The following MTERF2 variants were observed in gnomAD, a reference collection of about 807,000 sequenced individuals.
MTERF2 encodes the protein transcription termination factor 2, mitochondrial.
Under a neutral mutation model 29.2 loss-of-function variants are expected in MTERF2, and 23 were observed. The ratio of observed to expected loss-of-function variants is 0.79; its 90% CI spans 0.57 to 1.12. The LOEUF (loss-of-function observed/expected upper bound fraction) is 1.12, where lower values mean the gene tolerates loss of function less well. Among genes scored for constraint, MTERF2 ranks in the 50% most tolerant of loss-of-function variants. The probability of loss-of-function intolerance (pLI) is 0.00; values close to 1 mark genes in which losing one functional copy is unlikely to be tolerated. For missense variants in MTERF2, 440 were observed against 429.4 expected, an observed-to-expected ratio of 1.02 and a Z score of -0.22; for synonymous variants, 157 against 159.5, an observed-to-expected ratio of 0.98 and a Z score of 0.12.
At chr12:106,982,569 A>G (rs2136798424) in intron 2 of MTERF2, among the ~76,000 whole-genome samples, 1 of 152,340 alleles carries the variant, frequency 6.6e-6, no homozygotes, top group South Asian at 2.1e-4. Flanking sequence ...ATTCACAGTA[A>G]GTATCTAACT....
rs1952009363 is a variant in MTERF2 at position 106,978,112 on chromosome 12, A to T, written c.603T>A (p.Ser201=). The T allele has an allele frequency of 1.2e-6, 2 of 1,614,152 alleles. No individual in the cohort carries two copies. Among genetic ancestry groups the T allele is most frequent in the Non-Finnish European group, 1.7e-6 (2 of 1,180,018 alleles). The change falls in exon 3 of 3, where the codon TCT becomes TCA. Residue 201 remains serine, a synonymous_variant. Coordinates refer to ENST00000240050, the MANE Select transcript of MTERF2 (RefSeq NM_001033050.3). ...GTAGCCAAACTTTCATGTTGGCCTC[A>T]GAGCCACCTACATCTAGATAACTCT... is the stretch of plus-strand genomic sequence containing the variant. The part of the protein sequence containing the change: ...LQESYLDVGG[S]EANMKVWLLK...
chr12:106,977,407 C>T lies in MTERF2; in HGVS notation c.*150G>A. ...ATATTTTATAATATGGCACATGAGT[C>T]AGAATTTATCTATTTAGAGATAACT... is the stretch of plus-strand genomic sequence containing the variant. On this transcript the variant is annotated 3_prime_UTR_variant, in exon 3 of 3. Coordinates refer to ENST00000240050, the MANE Select transcript of MTERF2 (RefSeq NM_001033050.3). The T allele has an allele frequency of 1.8e-6, 1 of 569,580 alleles. No individual in the cohort carries two copies. The highest frequency in any genetic ancestry group is 3.0e-6 in the Non-Finnish European group (1 of 336,704). The allele number at this position is 569,580 out of a possible 1,614,324, so 35.3% of individuals were successfully genotyped here. A position where few individuals can be genotyped will look rare whatever the true frequency, so the allele number is the denominator to read the frequency against.
intron 2 of MTERF2, among the ~76,000 whole-genome samples, chr12:106,983,049 T>C (rs1053645947): frequency 4.6e-5 from 7 of 152,264 alleles, no homozygotes; most frequent in African/African-American, 1.7e-4. Context: ...TTGACTTGTA[T>C]AAACTCTATG....
Position 106,977,841 on chromosome 12 carries a change from A to G in MTERF2, c.874T>C (p.Leu292=). ...KQLVLKCPAL[L]YYSVPVLEER... ...TCTAAAACTGGAACAGAATAATATA[A>G]AAGGGCAGGACATTTCAAAACTAAT... is the stretch of plus-strand genomic sequence containing the variant. Residue 292 remains leucine, a synonymous_variant, in exon 3 of 3, where the codon TTA becomes CTA. Coordinates refer to ENST00000240050, the MANE Select transcript of MTERF2 (RefSeq NM_001033050.3). The G allele has an allele frequency of 1.2e-6, 2 of 1,613,936 alleles. No individual in the cohort carries two copies. Among genetic ancestry groups the G allele is most frequent in the Non-Finnish European group, 8.5e-7 (1 of 1,179,998 alleles).
rs1952019091 is a variant in MTERF2, at chr12:106,978,597, G to GT, written c.117dup (p.Gln40ThrfsTer15). The GT allele has an allele frequency of 1.2e-6, 2 of 1,614,136 alleles. No homozygotes were observed. The highest frequency in any genetic ancestry group is 1.7e-6 in the Non-Finnish European group (2 of 1,180,020). On this transcript the variant is annotated frameshift_variant, in exon 3 of 3. Coordinates refer to ENST00000240050, the MANE Select transcript of MTERF2 (RefSeq NM_001033050.3). LOFTEE classifies it high-confidence loss of function. ...GTTCTTGTATTTTCTTTGCTCGACT[G>GT]TTTATCAGTTGTATAGGTGAAGCAT... is the stretch of plus-strand genomic sequence containing the variant.
At chr12:106,979,186 C>T (rs148668955) in intron 2 of MTERF2, among the ~76,000 whole-genome samples, 360 of 152,252 alleles carry the variant, frequency 2.4e-3, no homozygotes, top group Middle Eastern at 0.01. Flanking sequence ...CATACAAATT[C>T]CCTTTTCCAC....
Position 106,978,060 on chromosome 12 carries a change from T to C in MTERF2, c.655A>G (p.Ile219Val). 4 of 1,613,984 alleles carry C rather than the reference T, an allele frequency of 2.5e-6. No individual in the cohort carries two copies. Among genetic ancestry groups the C allele is most frequent in the Non-Finnish European group, 2.5e-6 (3 of 1,179,980 alleles). The part of the protein sequence containing the change: ...LLKLLSQNPF[I>V]LLNSPTAIKE... ...ATAGCTGTGGGAGAATTTAACAAAA[T>C]AAATGGGTTTTGGCTTAACAATTTT... is the stretch of plus-strand genomic sequence containing the variant. Residue 219 changes from isoleucine (I) to valine (V), a missense_variant, in exon 3 of 3, where the codon ATT (isoleucine) becomes GTT (valine). Transcript: ENST00000240050.
Position 106,978,629 on chromosome 12 carries a change from A to C in MTERF2, c.86T>G (p.Phe29Cys). The change falls in exon 3 of 3, where the codon TTC becomes TGC. Residue 29 changes from phenylalanine to cysteine, a missense_variant. Physicochemically the swap from Phe to Cys is radical, Grantham distance 205. Coordinates refer to ENST00000240050, the MANE Select transcript of MTERF2 (RefSeq NM_001033050.3). Reference protein sequence around the residue: ...KMRSPPKYRPFLACFTYTTDK... With the variant: ...KMRSPPKYRPCLACFTYTTDK... The stretch of plus-strand genomic sequence containing the variant: ...AGTTGTATAGGTGAAGCATGCTAAG[A>C]AAGGTCTGTATTTTGGAGGTGATCG... 1 of 1,614,196 alleles carries C rather than the reference A, an allele frequency of 6.2e-7. No individual in the cohort carries two copies.
rs1259112337 is a variant in MTERF2, at chr12:106,978,199, A to G, written c.516T>C (p.Ala172=). The G allele has an allele frequency of 1.9e-6, 3 of 1,613,682 alleles. No homozygotes were observed. The African/African-American group carries it at 4.0e-5, about 22-fold the overall frequency. Residue 172 remains alanine (A), a synonymous_variant, in exon 3 of 3, where the codon GCT becomes GCC. Coordinates refer to ENST00000240050, the MANE Select transcript of MTERF2 (RefSeq NM_001033050.3). ...CAGGATTATGAAAAACATTAGGTGCAGCTGTCAAAAGTCTGCTAATGACCA... is the reference window on the plus strand; with the variant it reads ...CAGGATTATGAAAAACATTAGGTGCGGCTGTCAAAAGTCTGCTAATGACCA... ...KNVVISRLLT[A]APNVFHNPVE...
rs562149249 is a variant in MTERF2 at position 106,984,778 on chromosome 12, C to T, written c.-58+337G>A. On this transcript the variant is annotated intron_variant, in intron 2 of 2. Coordinates refer to ENST00000240050, the MANE Select transcript of MTERF2 (RefSeq NM_001033050.3). ...GATGTGAGATGTGCCTTTCACCTTC[C>T]GCCATGATTGTGAGGTCTCCCCAAC... Among the ~76,000 whole-genome samples the T allele has an allele frequency of 1.3e-4, 20 of 152,294 alleles. No homozygotes were observed. In the South Asian group the frequency reaches 2.5e-3, roughly 19 times the overall value.
At position 106,977,711 on chromosome 12, in the gene MTERF2, C is replaced by T. The variant is rs777674485; in HGVS notation, c.1004G>A (p.Arg335Lys). 2 of 1,613,974 alleles carry T rather than the reference C, an allele frequency of 1.2e-6. No individual in the cohort carries two copies. Among genetic ancestry groups the T allele is most frequent in the Admixed American group, 3.3e-5 (2 of 60,018 alleles). ...TCTGTAGCCTGAGGAATTCAGTTTCCTTATCCTGTACTGTACTATCTGTGG... is the reference window on the plus strand; with the variant it reads ...TCTGTAGCCTGAGGAATTCAGTTTCTTTATCCTGTACTGTACTATCTGTGG... ...LTPQIVQYRI[R>K]KLNSSGYRIK... Residue 335 changes from arginine (R) to lysine (K), a missense_variant, in exon 3 of 3, where the codon AGG becomes AAG. Physicochemically the swap from Arg to Lys is conservative, Grantham distance 26. Coordinates refer to ENST00000240050, the MANE Select transcript of MTERF2 (RefSeq NM_001033050.3).
At chr12:106,981,128 C>T (rs1469491233) in intron 2 of MTERF2, among the ~76,000 whole-genome samples, 2 of 152,332 alleles carry the variant, frequency 1.3e-5, no homozygotes, top group East Asian at 3.9e-4. Flanking sequence ...TGAGCGACCC[C>T]ACAAGCTCAG....
chr12:106,979,151 G>T (rs1952026769), intron 2 of MTERF2, among the ~76,000 whole-genome samples: 1 of 152,090 alleles, frequency 6.6e-6, no homozygotes, highest in African/African-American at 2.4e-5. Flanking sequence ...GAGTTCAAAG[G>T]TTCACAGACC....
At position 106,985,233 on chromosome 12, in the gene MTERF2, A is replaced by G. The variant is rs1016691857; in HGVS notation, c.-168-8T>C. On this transcript the variant is annotated splice_region_variant and splice_polypyrimidine_tract_variant and intron_variant, in intron 1 of 2. Transcript: ENST00000240050. ...TCAGTTCCCTGCAATAAACTTGCCA[A>G]TGGCATTTTAGGATAAAGACAAAGT... The G allele has an allele frequency of 6.6e-6, 1 of 152,248 alleles. No homozygotes were observed. Among genetic ancestry groups the G allele is most frequent in the Non-Finnish European group, 1.5e-5 (1 of 68,048 alleles). 9.4% of individuals were successfully genotyped at this position (152,248 alleles called of 1,614,324 possible).
At position 106,977,538 on chromosome 12, in the gene MTERF2, A is replaced by C; in HGVS notation, c.*19T>G. 6.3e-7 allele frequency: 1 copy of C among 1,583,210 alleles called. No homozygotes were observed. The highest frequency in any genetic ancestry group is 8.6e-7 in the Non-Finnish European group (1 of 1,167,390). ...GTTTCACCCTGCACTGCTAGAAAGA[A>C]GCAACAACAGTCAGTATGTCATTCT... On this transcript the variant is annotated 3_prime_UTR_variant, in exon 3 of 3. Coordinates refer to ENST00000240050, the MANE Select transcript of MTERF2 (RefSeq NM_001033050.3).
Position 106,977,407 on chromosome 12 carries a change from CAG to C in MTERF2, c.*148_*149del. ...ATATTTTATAATATGGCACATGAGT[CAG>C]AATTTATCTATTTAGAGATAACTTA... On this transcript the variant is annotated 3_prime_UTR_variant, in exon 3 of 3. Coordinates refer to ENST00000240050, the MANE Select transcript of MTERF2 (RefSeq NM_001033050.3). The C allele has an allele frequency of 1.8e-6, 1 of 569,580 alleles. No individual in the cohort carries two copies. The highest frequency in any genetic ancestry group is 3.0e-6 in the Non-Finnish European group (1 of 336,704). 35.3% of individuals were successfully genotyped at this position (569,580 alleles called of 1,614,324 possible).
chr12:106,985,874 A>T (rs2136804446), intron 1 of MTERF2: 1 of 152,368 alleles, frequency 6.6e-6, no homozygotes, highest in Admixed American at 6.5e-5. Flanking sequence ...CTAAAACAAC[A>T]CTTCTTCACA....
At chr12:106,979,732 T>C (rs1952032799) in intron 2 of MTERF2, among the ~76,000 whole-genome samples, 2 of 152,162 alleles carry the variant, frequency 1.3e-5, no homozygotes, top group Non-Finnish European at 2.9e-5. Context: ...TAATCAGCTA[T>C]CCACTTGACA....
In MTERF2 at chr12:106,978,488, T is replaced by C. The variant is rs751834649; in HGVS notation, c.227A>G (p.Tyr76Cys). ...TAAAATATTCGCAATTTCTTCAACA[T>C]AGGTTTCATCCTCTAAAAGTACCCA... ...KGWVLLEDET[Y>C]VEEIANILQE... The change falls in exon 3 of 3, where the codon TAT (tyrosine) becomes TGT (cysteine). Residue 76 changes from tyrosine to cysteine, a missense_variant. By Grantham distance (194) the Tyr-to-Cys change is radical. Transcript: ENST00000240050. The C allele has an allele frequency of 1.5e-5, 24 of 1,614,232 alleles. No individual in the cohort carries two copies. The East Asian group carries it at 4.5e-4, about 30-fold the overall frequency.
Sources: gnomAD v4.1 joint callset for allele counts (sites outside exome capture counted in the v4.1 genomes callset) on GRCh38, gnomAD v4.1.1 for gene constraint, MANE v1.5 for transcripts, NCBI Gene and HGNC (gene_info 2026-07-23, HGNC 2026-07-21) for gene names.